EIF4G3: variants seen among roughly 807,000 people sequenced by gnomAD.
The protein encoded by EIF4G3 is eukaryotic translation initiation factor 4 gamma 3, also known as eIF-4-gamma 3.
Under a neutral mutation model 186.4 loss-of-function variants are expected in EIF4G3, and 34 were observed. The observed-to-expected ratio is 0.18, with a 90% CI of 0.14 to 0.24. The LOEUF (loss-of-function observed/expected upper bound fraction) is 0.24, where lower values mean the gene tolerates loss of function less well. Among genes scored for constraint, EIF4G3 ranks in the 10% least tolerant of loss-of-function variants. The pLI is 1.00. For missense variants in EIF4G3, 1,536 were observed against 1,948.5 expected, an observed-to-expected ratio of 0.79 and a Z score of 3.99; for synonymous variants, 673 against 679.5, an observed-to-expected ratio of 0.99 and a Z score of 0.15.
Position 20,824,794 on chromosome 1 carries a change from G to C in EIF4G3, c.4368+306C>G, listed in dbSNP as rs751040332. 3.9e-5 allele frequency among the ~76,000 whole-genome samples: 6 copies of C among 152,262 alleles called. No individual in the cohort carries two copies. The South Asian group carries it at 1.0e-3, about 26-fold the overall frequency. ...TCTGGCTGCTTCTGGCCTGCCATCAGACCCAGAAATCAGGAGACAGCTTTG... is the reference window on the plus strand; with the variant it reads ...TCTGGCTGCTTCTGGCCTGCCATCACACCCAGAAATCAGGAGACAGCTTTG... On this transcript the variant is annotated intron_variant, in intron 33 of 36. Coordinates refer to ENST00000602326, the MANE Select transcript of EIF4G3 (RefSeq NM_001391906.1).
intron 2 of EIF4G3, among the ~76,000 whole-genome samples, chr1:21,163,951 T>G (rs1243568562): frequency 6.6e-6 from 1 of 152,088 alleles, no homozygotes; most frequent in Non-Finnish European, 1.5e-5. Context: ...TTTGTATTTT[T>G]TTAGTAGAGA....
At chr1:21,014,802 T>C (rs1305948254) in intron 4 of EIF4G3, among the ~76,000 whole-genome samples, 1 of 151,920 alleles carries the variant, frequency 6.6e-6, no homozygotes. Flanking sequence ...CCCGGCTAGT[T>C]TTAGTATTTT....
At chr1:21,087,177 C>T (rs896307001) in intron 3 of EIF4G3, among the ~76,000 whole-genome samples, 1 of 152,030 alleles carries the variant, frequency 6.6e-6, no homozygotes, top group South Asian at 2.1e-4. Flanking sequence ...TTAAGGTATC[C>T]TATCTATATC....
intron 2 of EIF4G3, among the ~76,000 whole-genome samples, chr1:21,151,350 T>C (rs1207095860): frequency 6.8e-6 from 1 of 148,106 alleles, no homozygotes; most frequent in East Asian, 2.1e-4. Flanking sequence ...GCCATTCTCC[T>C]GCCTCAGCCT....
intron 2 of EIF4G3, among the ~76,000 whole-genome samples, chr1:21,120,795 C>T (rs191518192): frequency 6.0e-4 from 91 of 152,232 alleles, no homozygotes; most frequent in African/African-American, 2.0e-3. Context: ...TTACTTAATA[C>T]GCATCTCAGT....
intron 11 of EIF4G3, among the ~76,000 whole-genome samples, chr1:20,971,899 C>T (rs565270282): frequency 1.3e-5 from 2 of 152,290 alleles, no homozygotes; most frequent in East Asian, 3.9e-4. Context: ...CTCCAAAGTG[C>T]TGGGGTTACA....
intron 30 of EIF4G3, among the ~76,000 whole-genome samples, chr1:20,839,346 C>A (rs944384299): frequency 6.6e-6 from 1 of 151,900 alleles, no homozygotes; most frequent in African/African-American, 2.4e-5. Context: ...CTCCTGACCT[C>A]GTGATCTGCC....
At chr1:20,877,957 C>T (rs2081325654) in intron 20 of EIF4G3, among the ~76,000 whole-genome samples, 1 of 152,160 alleles carries the variant, frequency 6.6e-6, no homozygotes, top group Non-Finnish European at 1.5e-5. Context: ...GATTCTCCTG[C>T]CTCAGCCTCT....
chr1:21,054,689 A>T (rs978049411), intron 3 of EIF4G3, among the ~76,000 whole-genome samples: 1 of 152,164 alleles, frequency 6.6e-6, no homozygotes, highest in Admixed American at 6.5e-5. Flanking sequence ...GGGAAAAAGG[A>T]AAATGGCCTG....
At chr1:20,916,686 C>A (rs1167823479) in intron 14 of EIF4G3, among the ~76,000 whole-genome samples, 1 of 151,964 alleles carries the variant, frequency 6.6e-6, no homozygotes, top group Non-Finnish European at 1.5e-5. Context: ...AGTTGGAGGG[C>A]TTAATACTCG....
chr1:21,130,661 A>G (rs1271827876), intron 2 of EIF4G3, among the ~76,000 whole-genome samples: 1 of 152,186 alleles, frequency 6.6e-6, no homozygotes, highest in Non-Finnish European at 1.5e-5. Flanking sequence ...CTTAGGAGAC[A>G]CACATATAGA....
intron 4 of EIF4G3, among the ~76,000 whole-genome samples, chr1:21,021,328 A>C (rs1213820017): frequency 1.3e-5 from 2 of 152,076 alleles, no homozygotes; most frequent in African/African-American, 4.8e-5. Flanking sequence ...TTTTGAAATA[A>C]TCTCTGATTA....
At chr1:20,956,617 CA>C (rs61623629) in intron 12 of EIF4G3, among the ~76,000 whole-genome samples, 2,495 of 114,460 alleles carry the variant, frequency 0.022, 49 homozygotes, top group East Asian at 0.14. Flanking sequence ...GTATAATTTA[CA>C]AAAAAAAAAA....
Position 21,085,581 on chromosome 1 carries a change from G to T in EIF4G3, c.-196+3557C>A, listed in dbSNP as rs188512557. Among the ~76,000 whole-genome samples the T allele has an allele frequency of 4.2e-3, 644 of 151,920 alleles. 4 individuals are homozygous for T. Among genetic ancestry groups the T allele is most frequent in the Non-Finnish European group, 5.6e-3 (378 of 67,940 alleles). On this transcript the variant is annotated intron_variant, in intron 3 of 36. Coordinates refer to ENST00000602326, the MANE Select transcript of EIF4G3 (RefSeq NM_001391906.1). ...ATGCCTGGCTAGTTTATTTTTTGTTGAGATGGGGTCTCATTATGTTGCACA... is the reference window on the plus strand; with the variant it reads ...ATGCCTGGCTAGTTTATTTTTTGTTTAGATGGGGTCTCATTATGTTGCACA...
At chr1:21,121,514 C>G (rs12405090) in intron 2 of EIF4G3, among the ~76,000 whole-genome samples, 3 of 151,886 alleles carry the variant, frequency 2.0e-5, no homozygotes, top group Non-Finnish European at 4.4e-5. Context: ...GTGGCTCACG[C>G]CTATAATCCC....
At chr1:21,019,743 G>A (rs1410034144) in intron 4 of EIF4G3, among the ~76,000 whole-genome samples, 1 of 152,086 alleles carries the variant, frequency 6.6e-6, no homozygotes, top group East Asian at 1.9e-4. Context: ...AATTAGCTGG[G>A]CGTGGTGGCA....
chr1:21,076,141 T>C (rs551402231), intron 3 of EIF4G3, among the ~76,000 whole-genome samples: 1 of 152,272 alleles, frequency 6.6e-6, no homozygotes, highest in African/African-American at 2.4e-5. Context: ...ATACCAAGTA[T>C]CTTTTCTGAC....
chr1:21,049,914 A>G (rs1190006269), intron 4 of EIF4G3, among the ~76,000 whole-genome samples: 1 of 152,092 alleles, frequency 6.6e-6, no homozygotes, highest in Non-Finnish European at 1.5e-5. Context: ...AGGAATAAAA[A>G]TTGTCCCTAA....
chr1:21,102,812 T>G (rs775833191), intron 2 of EIF4G3, among the ~76,000 whole-genome samples: 2 of 152,192 alleles, frequency 1.3e-5, no homozygotes, highest in African/African-American at 2.4e-5. Flanking sequence ...AATTCTTAAT[T>G]TTATTCTATA....
Sources: gnomAD v4.1 joint callset for allele counts (sites outside exome capture counted in the v4.1 genomes callset) on GRCh38, gnomAD v4.1.1 for gene constraint, MANE v1.5 for transcripts, NCBI Gene and HGNC (gene_info 2026-07-23, HGNC 2026-07-21) for gene names.